MPZ: variants seen among roughly 807,000 people sequenced by gnomAD.
The protein encoded by MPZ is myelin protein zero.
Under a neutral mutation model 27.9 loss-of-function variants are expected in MPZ, and 13 were observed. That is an observed-to-expected ratio of 0.47 (90% CI 0.30 to 0.74). The LOEUF is 0.74. Among genes scored for constraint, MPZ ranks in the 30% least tolerant of loss-of-function variants. The probability of loss-of-function intolerance (pLI) is 0.06; values close to 1 mark genes in which losing one functional copy is unlikely to be tolerated. For missense variants in MPZ, 256 were observed against 317.5 expected (o/e 0.81, Z 1.47); for synonymous variants, 118 against 128.9 (o/e 0.92, Z 0.57).
intron 1 of MPZ, 108 bp downstream of exon 1, chr1:161,309,731 T>C: frequency 1.1e-6 from 1 of 910,078 alleles, no homozygotes. Context: ...ACCTTCCTGC[T>C]CCTGCTTGTT....
In MPZ at chr1:161,306,311, C is replaced by A; in HGVS notation, c.584+18G>T. ...GATAGTGGGGAGAGGGGGAGGGGAGCTAGGCTCCGCCCCTTACCTGAGCCT... is the reference window on the plus strand; with the variant it reads ...GATAGTGGGGAGAGGGGGAGGGGAGATAGGCTCCGCCCCTTACCTGAGCCT... On this transcript the variant is annotated intron_variant, in intron 4 of 5. Coordinates refer to ENST00000533357, the MANE Select transcript of MPZ (RefSeq NM_000530.8). 1 of 1,614,148 alleles carries A rather than the reference C, an allele frequency of 6.2e-7. No individual in the cohort carries two copies. The highest frequency in any genetic ancestry group is 8.5e-7 in the Non-Finnish European group (1 of 1,179,970).
chr1:161,306,077 C>A, intron 5 of MPZ, 31 bp downstream of exon 5: 1 of 1,613,886 alleles, frequency 6.2e-7, no homozygotes. Context: ...GTTCTCCTTC[C>A]CATCTTGTCT....
At chr1:161,303,708 T>C (rs181298407), downstream of MPZ, among the ~76,000 whole-genome samples, 128 of 152,344 alleles carry the variant, frequency 8.4e-4, no homozygotes, top group Middle Eastern at 3.4e-3. Context: ...TAATGAATAA[T>C]GGACAGTTTA....
intron 1 of MPZ, among the ~76,000 whole-genome samples, chr1:161,307,991 A>AG (rs1670303961): frequency 1.3e-5 from 2 of 149,192 alleles, no homozygotes. Context: ...AGTTTTGTGG[A>AG]GTTTTTTTTT....
rs121913596 is a variant in MPZ at position 161,307,389 on chromosome 1, C to T, written c.103G>A (p.Asp35Asn). Residue 35 changes from aspartate to asparagine, a missense_variant, in exon 2 of 6, where the codon GAC becomes AAC. Asp to Asn is a conservative substitution (Grantham distance 23). Transcript: ENST00000533357. ...CCCACAGCACCATGGACCTCCCTGT[C>T]GGTGTAAACCACGATGGCCTGGGCC... Reference protein sequence around the residue: ...SPAQAIVVYTDREVHGAVGSR... With the variant: ...SPAQAIVVYTNREVHGAVGSR... 4 of 1,614,108 alleles carry T rather than the reference C, an allele frequency of 2.5e-6. No individual in the cohort carries two copies. Among genetic ancestry groups the T allele is most frequent in the East Asian group, 2.2e-5 (1 of 44,898 alleles).
intron 1 of MPZ, among the ~76,000 whole-genome samples, chr1:161,308,080 C>T (rs1448694224): frequency 2.0e-5 from 3 of 152,066 alleles, no homozygotes; most frequent in Non-Finnish European, 2.9e-5. Flanking sequence ...CCTGTTGATT[C>T]ATAGATATCA....
chr1:161,309,376 T>A (rs921436762), intron 1 of MPZ, among the ~76,000 whole-genome samples: 3 of 151,966 alleles, frequency 2.0e-5, no homozygotes, highest in African/African-American at 7.2e-5. Flanking sequence ...TAACACTGCT[T>A]CCCACCAGGC....
In MPZ at chr1:161,305,768, C is replaced by G. The variant is rs1294303135; in HGVS notation, c.*108G>C. 2.5e-6 allele frequency: 2 copies of G among 804,184 alleles called. No individual in the cohort carries two copies. The highest frequency in any genetic ancestry group is 1.7e-5 in the South Asian group (1 of 58,290). 49.8% of individuals were successfully genotyped at this position (804,184 alleles called of 1,614,324 possible). On this transcript the variant is annotated 3_prime_UTR_variant, in exon 6 of 6. Transcript: ENST00000533357. ...TGGGGGACTTGACAGCAGGCCGGAGCTCCGGGCTCTGCTCATCCTTTCGTA... is the reference window on the plus strand; with the variant it reads ...TGGGGGACTTGACAGCAGGCCGGAGGTCCGGGCTCTGCTCATCCTTTCGTA...
chr1:161,308,533 G>A (rs1274633802), intron 1 of MPZ, among the ~76,000 whole-genome samples: 1 of 152,144 alleles, frequency 6.6e-6, no homozygotes, highest in African/African-American at 2.4e-5. Context: ...TCTGACCAAC[G>A]CTGGGGGGCT....
chr1:161,306,335 C>A lies in MPZ; in HGVS notation c.578G>T (p.Arg193Met), dbSNP rs761291277. ...GCTAGGCTCCGCCCCTTACCTGAGC[C>A]TCCTCTGCAGGGCCGCCTGCCTGCG... ...WLRRQAALQR[R>M]LSAMEKGKLH... Residue 193 changes from arginine (R) to methionine (M), a missense_variant, in exon 4 of 6, where the codon AGG (arginine) becomes ATG (methionine). Coordinates refer to ENST00000533357, the MANE Select transcript of MPZ (RefSeq NM_000530.8). 6.2e-7 allele frequency: 1 copy of A among 1,614,204 alleles called. No homozygotes were observed. Among genetic ancestry groups the A allele is most frequent in the Admixed American group, 1.7e-5 (1 of 60,022 alleles).
chr1:161,309,552 A>ATATATATATTTTTTTTTTTTTT, intron 1 of MPZ, among the ~76,000 whole-genome samples: 6 of 80,662 alleles, frequency 7.4e-5, no homozygotes, highest in African/African-American at 3.5e-4. Context: ...ATATATATAT[A>ATATATATATTTTTTTTTTTTTT]TTTTTTTTTT....
In MPZ at chr1:161,306,165, A is replaced by T. The variant is rs1670236572; in HGVS notation, c.588T>A (p.Ala196=). 1 of 1,613,988 alleles carries T rather than the reference A, an allele frequency of 6.2e-7. No individual in the cohort carries two copies. Among genetic ancestry groups the T allele is most frequent in the Non-Finnish European group, 8.5e-7 (1 of 1,180,022 alleles). Residue 196 remains alanine (A), a synonymous_variant, in exon 5 of 6, where the codon GCT becomes GCA. Coordinates refer to ENST00000533357, the MANE Select transcript of MPZ (RefSeq NM_000530.8). Reference sequence around the variant, plus strand: ...GCTTGTGCAATTTCCCCTTCTCCATAGCACTGCAAGAAGAGAGACTGCTGT... The same window carrying T: ...GCTTGTGCAATTTCCCCTTCTCCATTGCACTGCAAGAAGAGAGACTGCTGT... ...RQAALQRRLS[A]MEKGKLHKPG... is the part of the protein sequence containing the mutation.
chr1:161,304,707 A>C (rs878941046), downstream of MPZ: 1 of 152,754 alleles, frequency 6.5e-6, no homozygotes, highest in Non-Finnish European at 1.5e-5. Context: ...TCCCAGGAGG[A>C]CTAGGAAATT....
chr1:161,306,828 C>T lies in MPZ; in HGVS notation c.328G>A (p.Gly110Ser), dbSNP rs1362303975. 1 of 1,613,830 alleles carries T rather than the reference C, an allele frequency of 6.2e-7. No homozygotes were observed. The highest frequency in any genetic ancestry group is 1.3e-5 in the African/African-American group (1 of 74,830). The part of the protein sequence containing the change: ...QWVGDPRWKD[G>S]SIVIHNLDYS... ...TCTAGGTTGTGTATGACAATGGAGC[C>T]ATCCTTCCAGCGAGGGTCCCCTACC... The change falls in exon 3 of 6, where the codon GGC becomes AGC. Residue 110 changes from glycine to serine, a missense_variant. Around this residue, in one of 2 missense-constraint regions of MPZ, gnomAD observed 155 missense variants for 223.9 expected, o/e 0.69. Transcript: ENST00000533357.
chr1:161,307,166 A>C, intron 2 of MPZ, 92 bp downstream of exon 2: 1 of 1,531,766 alleles, frequency 6.5e-7, no homozygotes, highest in Non-Finnish European at 8.9e-7. Context: ...TGGCTCAAAA[A>C]GGATTTCCCC....
At chr1:161,307,514 T>G (rs1670293462) in intron 1 of MPZ, 90 bp from the exon 2 acceptor site, 1 of 1,515,738 alleles carries the variant, frequency 6.6e-7, no homozygotes, top group Admixed American at 1.7e-5. Flanking sequence ...AAGTGCTGAG[T>G]CACAGGTCAG....
chr1:161,306,154 C>T lies in MPZ; in HGVS notation c.599G>A (p.Gly200Glu), dbSNP rs1402742506. The T allele has an allele frequency of 6.2e-7, 1 of 1,614,130 alleles. No homozygotes were observed. Among genetic ancestry groups the T allele is most frequent in the Non-Finnish European group, 8.5e-7 (1 of 1,180,060 alleles). The change falls in exon 5 of 6, where the codon GGG (glycine) becomes GAG (glutamate). Residue 200 changes from glycine to glutamate, a missense_variant. Gly to Glu is a moderately conservative substitution (Grantham distance 98). This residue lies in a region of MPZ where 101 missense variants were observed against 93.6 expected (regional missense o/e 1.08). Coordinates refer to ENST00000533357, the MANE Select transcript of MPZ (RefSeq NM_000530.8). ...GTCCTTTCCTGGCTTGTGCAATTTC[C>T]CCTTCTCCATAGCACTGCAAGAAGA... ...LQRRLSAMEK[G>E]KLHKPGKDAS...
intron 1 of MPZ, among the ~76,000 whole-genome samples, chr1:161,308,901 T>C (rs1267118216): frequency 3.3e-5 from 5 of 152,036 alleles, no homozygotes; most frequent in Non-Finnish European, 7.3e-5. Flanking sequence ...CAGAAGAGTC[T>C]AGGGCTCAAG....
chr1:161,309,766 G>T, intron 1 of MPZ, 73 bp downstream of exon 1: 2 of 1,198,310 alleles, frequency 1.7e-6, no homozygotes, highest in Non-Finnish European at 1.2e-6. Context: ...AGTGGGGAGT[G>T]CAGCAAAGGC....
Sources: allele counts gnomAD v4.1 joint callset (sites outside exome capture counted in the v4.1 genomes callset), GRCh38; gene constraint gnomAD v4.1.1; regional missense constraint gnomAD v4.1.1; transcripts MANE v1.5; gene names NCBI Gene and HGNC (gene_info 2026-07-23, HGNC 2026-07-21).